The following SPATA22 variants were observed in gnomAD, a reference collection of about 807,000 sequenced individuals.
SPATA22 encodes spermatogenesis-associated protein 22.
In SPATA22, 29 loss-of-function variants were observed where a neutral mutation model predicts 47.8. The ratio of observed to expected loss-of-function variants is 0.61; its 90% CI spans 0.45 to 0.83. SPATA22 has a LOEUF of 0.83. Ranked by LOEUF, SPATA22 falls within the 40% of genes least tolerant of loss-of-function variation. The pLI is 0.00. For synonymous variants in SPATA22, 133 were observed against 140.9 expected (o/e 0.94, Z 0.40); for missense variants, 410 against 421.7 (o/e 0.97, Z 0.24).
chr17:3,500,831 T>C (rs2073981372), intron 1 of SPATA22: 1 of 152,184 alleles, frequency 6.6e-6, no homozygotes, highest in Non-Finnish European at 1.5e-5. Context: ...TGAAGACTGA[T>C]GCTAAACCTG....
intron 5 of SPATA22, 58 bp downstream of exon 5, chr17:3,462,425 G>A (rs187798598): frequency 2.6e-4 from 313 of 1,203,274 alleles, no homozygotes; most frequent in Non-Finnish European, 3.4e-4. Context: ...GAAGAATGAA[G>A]AGGAAGACAG....
chr17:3,462,611 T>C (rs2073150516), intron 4 of SPATA22, 33 bp from the exon 5 acceptor site: 2 of 1,595,920 alleles, frequency 1.3e-6, no homozygotes, highest in South Asian at 1.1e-5. Context: ...TAAATATTAA[T>C]AGTTTGCTTT....
In SPATA22 at chr17:3,490,354, ATTAG is replaced by A. The variant is rs1567615273; in HGVS notation, c.-73-20960_-73-20957del. Among the ~76,000 whole-genome samples the A allele has an allele frequency of 1.3e-5, 2 of 152,340 alleles. No homozygotes were observed. Among genetic ancestry groups the A allele is most frequent in the South Asian group, 4.1e-4 (2 of 4,832 alleles). On this transcript the variant is annotated intron_variant, in intron 1 of 8. Transcript: ENST00000541913. This position sits in a 1 kb window ranked among gnomAD's most constrained non-coding sequence, Gnocchi z 4.6. ...AATCTAAAACTGCACTAAAAAGTCTATTAGTTATAAAAAAAGTTTACTTTAAAAT... is the reference window on the plus strand; with the variant it reads ...AATCTAAAACTGCACTAAAAAGTCTATTATAAAAAAAGTTTACTTTAAAAT...
exon 1 of SPATA22, chr17:3,513,685 G>C: frequency 2.2e-6 from 1 of 464,486 alleles, no homozygotes. Flanking sequence ...GCTGGCTGTA[G>C]GTTTACACCA....
chr17:3,479,039 A>G (rs2073581796), intron 1 of SPATA22, among the ~76,000 whole-genome samples: 1 of 152,222 alleles, frequency 6.6e-6, no homozygotes, highest in Non-Finnish European at 1.5e-5. Flanking sequence ...CCTTCCTGTC[A>G]TCTATTTTCC....
chr17:3,460,874 A>G (rs1317891870), intron 5 of SPATA22, among the ~76,000 whole-genome samples: 1 of 151,958 alleles, frequency 6.6e-6, no homozygotes, highest in Non-Finnish European at 1.5e-5. Flanking sequence ...TGTCTTAACT[A>G]CTAAAAGTAC....
At chr17:3,448,549 A>G (rs973413523) in intron 6 of SPATA22, among the ~76,000 whole-genome samples, 1 of 152,218 alleles carries the variant, frequency 6.6e-6, no homozygotes, top group African/African-American at 2.4e-5. Flanking sequence ...TTATCTTTAA[A>G]ATGAGTGTAA....
intron 1 of SPATA22, chr17:3,511,997 G>A (rs933381277): frequency 1.3e-5 from 2 of 152,184 alleles, no homozygotes; most frequent in African/African-American, 4.8e-5. Context: ...GTGGAATGCT[G>A]ATTTGTACAA....
At chr17:3,509,949 C>A (rs2074090889) in intron 1 of SPATA22, among the ~76,000 whole-genome samples, 1 of 152,072 alleles carries the variant, frequency 6.6e-6, no homozygotes, top group Non-Finnish European at 1.5e-5. Context: ...TGTTTGTTGG[C>A]CACGTAAATG....
intron 1 of SPATA22, chr17:3,494,333 T>C: frequency 1.3e-6 from 2 of 1,562,998 alleles, no homozygotes; most frequent in South Asian, 1.1e-5. Context: ...CATTGATACA[T>C]ATTGTTTTTG....
At chr17:3,463,933 C>G (rs1273276421) in intron 3 of SPATA22, among the ~76,000 whole-genome samples, 3 of 99,526 alleles carry the variant, frequency 3.0e-5, no homozygotes, top group Admixed American at 9.3e-5. Context: ...CTCTCCCTCT[C>G]CCTCTCCCTC....
intron 1 of SPATA22, among the ~76,000 whole-genome samples, chr17:3,503,777 A>G (rs1217380187): frequency 6.6e-6 from 1 of 152,142 alleles, no homozygotes; most frequent in African/African-American, 2.4e-5. Flanking sequence ...GATTATTTCT[A>G]ACAATCTACA....
chr17:3,505,981 C>T (rs2074037547), intron 1 of SPATA22, among the ~76,000 whole-genome samples: 2 of 152,148 alleles, frequency 1.3e-5, no homozygotes, highest in African/African-American at 4.8e-5. Context: ...TGGTCTCGAA[C>T]TCCTGACCTC....
At chr17:3,483,488 A>AT (rs749537498) in intron 1 of SPATA22, 3 of 1,612,742 alleles carry the variant, frequency 1.9e-6, no homozygotes, top group Admixed American at 3.3e-5. Flanking sequence ...GACGTTTTTG[A>AT]TTTTTTTCAG....
At chr17:3,494,286 G>T in intron 1 of SPATA22, 1 of 1,279,482 alleles carries the variant, frequency 7.8e-7, no homozygotes, top group South Asian at 1.2e-5. Context: ...TGACAGGCAT[G>T]AGCCACCACA....
chr17:3,475,977 A>G, upstream of SPATA22: 1 of 616,622 alleles, frequency 1.6e-6, no homozygotes, highest in Non-Finnish European at 2.9e-6. Context: ...TAAAGAAGGG[A>G]GTGTCCATAA....
intron 2 of SPATA22, 113 bp from the exon 3 acceptor site, chr17:3,467,667 T>C (rs2073346682): frequency 5.5e-6 from 4 of 721,942 alleles, no homozygotes; most frequent in Middle Eastern, 4.2e-4. Context: ...TATATGCTAA[T>C]ATACTTATAG....
chr17:3,441,601 T>C (rs1015579367), intron 8 of SPATA22: 1 of 152,086 alleles, frequency 6.6e-6, no homozygotes, highest in African/African-American at 2.4e-5. Flanking sequence ...TTTGGCAATA[T>C]CTACTGTATT....
chr17:3,486,351 A>G (rs1275255930), intron 1 of SPATA22, among the ~76,000 whole-genome samples: 1 of 152,194 alleles, frequency 6.6e-6, no homozygotes, highest in East Asian at 1.9e-4. Context: ...GATCATCTGG[A>G]ACAAAAATAG....
Sources: gnomAD v4.1 joint callset for allele counts (sites outside exome capture counted in the v4.1 genomes callset) on GRCh38, gnomAD v4.1.1 for gene constraint, Gnocchi (gnomAD v3.1) non-coding constraint, MANE v1.5 for transcripts, NCBI Gene and HGNC (gene_info 2026-07-23, HGNC 2026-07-21) for gene names.